ADGRB3: variants seen among roughly 807,000 people sequenced by gnomAD.
ADGRB3 encodes brain-specific angiogenesis inhibitor 3.
A neutral mutation model predicts 193.4 loss-of-function variants in ADGRB3; 37 were observed. The ratio of observed to expected loss-of-function variants is 0.19; its 90% CI spans 0.15 to 0.25. ADGRB3 has a LOEUF of 0.25. Among genes scored for constraint, ADGRB3 ranks in the 10% least tolerant of loss-of-function variants. The pLI is 1.00. For synonymous variants in ADGRB3, 690 were observed against 644.2 expected (o/e 1.07, Z -1.08); for missense variants, 1,637 against 1,852.9 (o/e 0.88, Z 2.14).
intron 11 of ADGRB3, among the ~76,000 whole-genome samples, chr6:69,009,902 T>G (rs1184010872): frequency 6.6e-6 from 1 of 152,034 alleles, no homozygotes; most frequent in Non-Finnish European, 1.5e-5. Flanking sequence ...AAAAGCAAAA[T>G]GCTAAGACAT....
intron 17 of ADGRB3, among the ~76,000 whole-genome samples, chr6:69,185,066 C>A (rs991663263): frequency 2.0e-5 from 3 of 152,036 alleles, no homozygotes; most frequent in Non-Finnish European, 4.4e-5. Context: ...TACATAAATT[C>A]TTCTATAATT....
intron 17 of ADGRB3, among the ~76,000 whole-genome samples, chr6:69,134,635 C>G (rs1378333841): frequency 2.0e-5 from 3 of 151,934 alleles, no homozygotes; most frequent in African/African-American, 7.3e-5. Flanking sequence ...TAGTAAGGTT[C>G]TCTACTACTT....
At chr6:68,848,459 T>A (rs1768329329) in intron 3 of ADGRB3, among the ~76,000 whole-genome samples, 2 of 152,078 alleles carry the variant, frequency 1.3e-5, no homozygotes, top group South Asian at 4.1e-4. Context: ...GAGCTTTTAA[T>A]TAACATACTT....
intron 20 of ADGRB3, among the ~76,000 whole-genome samples, chr6:69,243,368 A>G (rs749273856): frequency 6.6e-6 from 1 of 151,958 alleles, no homozygotes; most frequent in Non-Finnish European, 1.5e-5. Flanking sequence ...CCTGTATGTA[A>G]CATTCAGTGA....
chr6:69,046,562 C>G (rs1161162996), intron 13 of ADGRB3, among the ~76,000 whole-genome samples: 1 of 152,114 alleles, frequency 6.6e-6, no homozygotes, highest in African/African-American at 2.4e-5. Context: ...TTATGTGTTA[C>G]CCAGTATCTT....
intron 20 of ADGRB3, among the ~76,000 whole-genome samples, chr6:69,263,194 C>T (rs568485101): frequency 4.1e-4 from 62 of 152,052 alleles, no homozygotes; most frequent in Middle Eastern, 3.4e-3. Context: ...GAAGGAACTC[C>T]GTCTTTGTAT....
rs374984883 is a variant in ADGRB3 at position 68,854,756 on chromosome 6, T to C, written c.758-75803T>C. On this transcript the variant is annotated intron_variant, in intron 3 of 31. Coordinates refer to ENST00000370598, the MANE Select transcript of ADGRB3 (RefSeq NM_001704.3). ...TAATCATTCTCTGCACCTCTGACTCTAGGGCACAGATTTCTCTCTGTGTTT... is the reference window on the plus strand; with the variant it reads ...TAATCATTCTCTGCACCTCTGACTCCAGGGCACAGATTTCTCTCTGTGTTT... Among the ~76,000 whole-genome samples, 19 of 152,290 alleles carry C rather than the reference T, an allele frequency of 1.2e-4. No individual in the cohort carries two copies. The East Asian group carries it at 2.9e-3, about 23-fold the overall frequency.
intron 11 of ADGRB3, among the ~76,000 whole-genome samples, chr6:68,994,572 T>C (rs972485538): frequency 2.0e-5 from 3 of 152,216 alleles, no homozygotes; most frequent in Non-Finnish European, 4.4e-5. Flanking sequence ...ACTCACCCAA[T>C]GTCAGTATTG....
At chr6:68,902,642 A>G (rs191597695) in intron 3 of ADGRB3, among the ~76,000 whole-genome samples, 13 of 152,252 alleles carry the variant, frequency 8.5e-5, no homozygotes, top group Admixed American at 7.8e-4. Context: ...AAAAAAGCCA[A>G]TAATTAAGGC....
intron 20 of ADGRB3, among the ~76,000 whole-genome samples, chr6:69,304,871 T>C (rs914968494): frequency 2.6e-5 from 4 of 151,578 alleles, no homozygotes; most frequent in African/African-American, 7.3e-5. Context: ...TTCTGGCTAA[T>C]AGCATTTTCT....
intron 17 of ADGRB3, among the ~76,000 whole-genome samples, chr6:69,229,630 G>A (rs72911202): frequency 2.5e-3 from 373 of 152,190 alleles, no homozygotes; most frequent in Admixed American, 5.6e-3. Context: ...ATTGGTATTT[G>A]GAAAGATCAA....
intron 3 of ADGRB3, among the ~76,000 whole-genome samples, chr6:68,847,414 A>G (rs1288968458): frequency 1.3e-5 from 2 of 152,120 alleles, no homozygotes; most frequent in Admixed American, 6.6e-5. Context: ...CCACATCCAA[A>G]TCTCATCTTG....
At chr6:69,273,061 C>T (rs764017553) in intron 20 of ADGRB3, among the ~76,000 whole-genome samples, 1 of 152,000 alleles carries the variant, frequency 6.6e-6, no homozygotes, top group African/African-American at 2.4e-5. Context: ...CCACCATGCC[C>T]GGCTAATTTT....
chr6:68,950,274 C>A (rs1464034303), intron 6 of ADGRB3, among the ~76,000 whole-genome samples: 1 of 152,060 alleles, frequency 6.6e-6, no homozygotes, highest in Non-Finnish European at 1.5e-5. Context: ...CCAAGTTGAT[C>A]TTAAACTTAT....
At chr6:69,101,425 G>A (rs1040732426) in intron 17 of ADGRB3, among the ~76,000 whole-genome samples, 13 of 89,476 alleles carry the variant, frequency 1.5e-4, no homozygotes, top group Non-Finnish European at 3.2e-4. Context: ...ATTAGATACA[G>A]TAAGTATCGT....
intron 5 of ADGRB3, among the ~76,000 whole-genome samples, chr6:68,940,966 T>C (rs1315831274): frequency 6.6e-6 from 1 of 152,164 alleles, no homozygotes; most frequent in African/African-American, 2.4e-5. Flanking sequence ...AATTTATATA[T>C]GTTTGTTTCA....
chr6:68,848,591 A>C (rs1039164623), intron 3 of ADGRB3, among the ~76,000 whole-genome samples: 2 of 152,038 alleles, frequency 1.3e-5, no homozygotes, highest in African/African-American at 4.8e-5. Context: ...CAGACCAATC[A>C]CATATTTTTA....
intron 3 of ADGRB3, among the ~76,000 whole-genome samples, chr6:68,843,121 A>G (rs1354961117): frequency 1.3e-5 from 2 of 152,008 alleles, no homozygotes; most frequent in South Asian, 2.1e-4. Flanking sequence ...GATCTGAAAC[A>G]TGATAAGGAT....
At chr6:68,774,438 G>A (rs1766699760) in intron 3 of ADGRB3, among the ~76,000 whole-genome samples, 1 of 147,640 alleles carries the variant, frequency 6.8e-6, no homozygotes, top group Non-Finnish European at 1.5e-5. Flanking sequence ...TTCTAATAAT[G>A]GTCTTCTTGG....
Sources: gnomAD v4.1 joint callset for allele counts (sites outside exome capture counted in the v4.1 genomes callset) on GRCh38, gnomAD v4.1.1 for gene constraint, MANE v1.5 for transcripts, NCBI Gene and HGNC (gene_info 2026-07-23, HGNC 2026-07-21) for gene names.